The following PDS5B variants were observed in gnomAD, a reference collection of about 807,000 sequenced individuals.
PDS5B encodes the protein PDS5 cohesin associated factor B, also known as sister chromatid cohesion protein PDS5 homolog B.
In PDS5B, 51 loss-of-function variants were observed where a neutral mutation model predicts 184.1. The observed-to-expected ratio is 0.28, with a 90% confidence interval of 0.22 to 0.35. PDS5B has a LOEUF of 0.35. PDS5B is among the 10% of genes least tolerant of loss of function. The pLI, the probability that PDS5B is intolerant of heterozygous loss-of-function variation, is 1.00. For synonymous variants in PDS5B, 566 were observed against 569.2 expected (o/e 0.99, Z 0.08); for missense variants, 1,180 against 1,723.3 (o/e 0.68, Z 5.58).
intron 1 of PDS5B, among the ~76,000 whole-genome samples, chr13:32,599,605 A>G (rs543648262): frequency 1.3e-5 from 2 of 151,628 alleles, no homozygotes; most frequent in Non-Finnish European, 2.9e-5. Flanking sequence ...AAAATTTGGT[A>G]CATTTTAGAC....
chr13:32,731,338 T>C (rs1313380181), intron 19 of PDS5B, among the ~76,000 whole-genome samples: 2 of 152,170 alleles, frequency 1.3e-5, no homozygotes, highest in African/African-American at 4.8e-5. Context: ...TTTAAATGTT[T>C]GAGTTATGAA....
At chr13:32,763,978 A>C (rs573996062) in intron 30 of PDS5B, among the ~76,000 whole-genome samples, 1 of 152,060 alleles carries the variant, frequency 6.6e-6, no homozygotes, top group Non-Finnish European at 1.5e-5. Context: ...ATGAATGCCA[A>C]CTCTATGCCT....
At chr13:32,678,669 GACATACATGTATATC>G (rs1951140811) in intron 9 of PDS5B, among the ~76,000 whole-genome samples, 151 bp from the exon 10 acceptor site, 1 of 152,166 alleles carries the variant, frequency 6.6e-6, no homozygotes, top group Non-Finnish European at 1.5e-5. Context: ...AGAGCATTCA[GACATACATGTATATC>G]AGAAACTTTG....
intron 24 of PDS5B, among the ~76,000 whole-genome samples, chr13:32,751,855 A>C (rs1227843396): frequency 6.6e-6 from 1 of 152,172 alleles, no homozygotes; most frequent in East Asian, 1.9e-4. Flanking sequence ...GAAGCTCTTT[A>C]GTTTAGACTA....
chr13:32,643,103 A>G (rs1174446565), intron 1 of PDS5B, among the ~76,000 whole-genome samples: 1 of 152,110 alleles, frequency 6.6e-6, no homozygotes, highest in East Asian at 1.9e-4. Context: ...ATTTGTTTTT[A>G]TGAATCATGA....
chr13:32,638,153 C>T (rs1038087475), intron 1 of PDS5B, among the ~76,000 whole-genome samples: 2 of 152,054 alleles, frequency 1.3e-5, no homozygotes, highest in African/African-American at 4.8e-5. Context: ...TTGGACTTGC[C>T]GACATCTCCA....
Position 32,776,804 on chromosome 13 carries a change from ATTTG to A in PDS5B, c.*1758_*1761del, listed in dbSNP as rs900735169. The stretch of plus-strand genomic sequence containing the variant: ...TGATGTGATTATTTTTCTTTTAAAG[ATTTG>A]TTTGTGTTTATGAAACAGCCATTTA... On this transcript the variant is annotated 3_prime_UTR_variant, in exon 35 of 35. Transcript: ENST00000315596. 24 of 152,404 alleles carry A rather than the reference ATTTG, an allele frequency of 1.6e-4. No individual in the cohort carries two copies. Among genetic ancestry groups the A allele is most frequent in the African/African-American group, 4.6e-4 (19 of 41,444 alleles). 9.4% of individuals were successfully genotyped at this position (152,404 alleles called of 1,614,324 possible).
At chr13:32,714,728 A>G (rs368839910) in intron 19 of PDS5B, among the ~76,000 whole-genome samples, 4 of 152,164 alleles carry the variant, frequency 2.6e-5, no homozygotes, top group African/African-American at 7.2e-5. Context: ...TATCTCTCTT[A>G]TTCCCTGAAC....
chr13:32,664,594 T>TG (rs1950735500), intron 6 of PDS5B, among the ~76,000 whole-genome samples: 1 of 152,194 alleles, frequency 6.6e-6, no homozygotes, highest in Non-Finnish European at 1.5e-5. Flanking sequence ...CCAGGCTCAC[T>TG]AGCTCTCTCT....
In PDS5B at chr13:32,777,129, A is replaced by G. The variant is rs1954980064; in HGVS notation, c.*2077A>G. The G allele has an allele frequency of 6.6e-6, 1 of 152,172 alleles. No homozygotes were observed. Among genetic ancestry groups the G allele is most frequent in the South Asian group, 2.1e-4 (1 of 4,830 alleles). The allele number at this position is 152,172 out of a possible 1,614,324, so 9.4% of individuals were successfully genotyped here. On this transcript the variant is annotated 3_prime_UTR_variant, in exon 35 of 35. Transcript: ENST00000315596. ...AGAAATGTTTATGGAAATATTAAGA[A>G]CATTTTATAAAACATACGAAAAAGT...
chr13:32,680,100 A>G (rs1951196097), intron 10 of PDS5B, among the ~76,000 whole-genome samples: 1 of 150,438 alleles, frequency 6.6e-6, no homozygotes, highest in South Asian at 2.1e-4. Flanking sequence ...TTCACCTTAT[A>G]TTTGCTTTTG....
chr13:32,727,507 A>C (rs1952949616), intron 19 of PDS5B, among the ~76,000 whole-genome samples: 1 of 151,938 alleles, frequency 6.6e-6, no homozygotes, highest in Non-Finnish European at 1.5e-5. Context: ...TGAATTTTAT[A>C]GTGAATTTTT....
chr13:32,715,900 A>T (rs1171106442), intron 19 of PDS5B, among the ~76,000 whole-genome samples: 1 of 152,214 alleles, frequency 6.6e-6, no homozygotes, highest in East Asian at 1.9e-4. Flanking sequence ...ACCGCGAGTG[A>T]TCCGCCAGCC....
intron 6 of PDS5B, among the ~76,000 whole-genome samples, chr13:32,664,372 T>G (rs1950729295): frequency 6.6e-6 from 1 of 152,212 alleles, no homozygotes; most frequent in Non-Finnish European, 1.5e-5. Context: ...AAATTTTCAT[T>G]TGTAGCTTTA....
At chr13:32,683,152 A>G (rs948613732) in intron 10 of PDS5B, among the ~76,000 whole-genome samples, 3 of 151,910 alleles carry the variant, frequency 2.0e-5, no homozygotes, top group African/African-American at 4.8e-5. Context: ...AGCTGGGACT[A>G]CAGCTGTGTG....
chr13:32,742,100 G>T (rs1239142633), intron 22 of PDS5B, among the ~76,000 whole-genome samples: 1 of 152,114 alleles, frequency 6.6e-6, no homozygotes, highest in Non-Finnish European at 1.5e-5. Context: ...ATATGTGAAA[G>T]ATAATTTGTA....
At chr13:32,656,096 T>C (rs997428665) in intron 3 of PDS5B, among the ~76,000 whole-genome samples, 1 of 152,148 alleles carries the variant, frequency 6.6e-6, no homozygotes, top group African/African-American at 2.4e-5. Flanking sequence ...CTTTCCTCAT[T>C]GCTTGTTTTT....
chr13:32,631,908 CTCCTGAA>C (rs2058461859), intron 1 of PDS5B, among the ~76,000 whole-genome samples: 1 of 152,190 alleles, frequency 6.6e-6, no homozygotes, highest in Non-Finnish European at 1.5e-5. Flanking sequence ...CTCCCCACAC[CTCCTGAA>C]TCAAAATTTC....
intron 19 of PDS5B, among the ~76,000 whole-genome samples, chr13:32,725,737 A>C (rs967309693): frequency 3.0e-4 from 45 of 152,216 alleles, no homozygotes; most frequent in African/African-American, 1.1e-3. Context: ...GGCACAGGAT[A>C]ACAACACTAT....
Sources: allele counts gnomAD v4.1 joint callset (sites outside exome capture counted in the v4.1 genomes callset), GRCh38; gene constraint gnomAD v4.1.1; transcripts MANE v1.5; gene names NCBI Gene and HGNC (gene_info 2026-07-23, HGNC 2026-07-21).